BMP6: variants seen among roughly 807,000 people sequenced by gnomAD.
BMP6 encodes bone morphogenetic protein 6, also known as VG-1-R.
In BMP6, 17 loss-of-function variants were observed where a neutral mutation model predicts 54.1. The ratio of observed to expected loss-of-function variants is 0.31; its 90% CI spans 0.22 to 0.47. The LOEUF is 0.47. Among genes scored for constraint, BMP6 ranks in the 20% least tolerant of loss-of-function variants. BMP6 has a pLI of 1.00. For synonymous variants in BMP6, 328 were observed against 291.2 expected (o/e 1.13, Z -1.28); for missense variants, 720 against 690.4 (o/e 1.04, Z -0.48).
chr6:7,880,351 C>T lies in BMP6; in HGVS notation c.*8C>T, dbSNP rs759266733. 3.1e-6 allele frequency: 5 copies of T among 1,613,918 alleles called. No individual in the cohort carries two copies. In the South Asian group the frequency reaches 3.3e-5, roughly 11 times the overall value. ...GCTTGTGGATGCCACTAACTCGAAACCAGATGCTGGGGACACACATTCTGC... is the reference window on the plus strand; with the variant it reads ...GCTTGTGGATGCCACTAACTCGAAATCAGATGCTGGGGACACACATTCTGC... On this transcript the variant is annotated 3_prime_UTR_variant, in exon 7 of 7. Transcript: ENST00000283147.
At chr6:7,843,320 A>C (rs1047235009) in intron 1 of BMP6, among the ~76,000 whole-genome samples, 2 of 151,880 alleles carry the variant, frequency 1.3e-5, no homozygotes, top group Non-Finnish European at 2.9e-5. Context: ...ATTACATGGC[A>C]GTTTCAGAAA....
intron 1 of BMP6, among the ~76,000 whole-genome samples, chr6:7,824,862 T>C (rs2113228373): frequency 6.6e-6 from 1 of 152,348 alleles, no homozygotes; most frequent in East Asian, 1.9e-4. Context: ...TTCCAGTATT[T>C]TCCAGATGAG....
chr6:7,779,979 A>T (rs1162308933), intron 1 of BMP6, among the ~76,000 whole-genome samples: 1 of 152,066 alleles, frequency 6.6e-6, no homozygotes. Context: ...TTGGGAAACC[A>T]ATTTACAGCT....
At chr6:7,750,212 G>T (rs1021156254) in intron 1 of BMP6, among the ~76,000 whole-genome samples, 4 of 152,158 alleles carry the variant, frequency 2.6e-5, no homozygotes, top group African/African-American at 9.7e-5. Flanking sequence ...GAACATCTGC[G>T]TGCCTACTGT....
At chr6:7,833,571 G>C (rs1758824826) in intron 1 of BMP6, among the ~76,000 whole-genome samples, 1 of 152,182 alleles carries the variant, frequency 6.6e-6, no homozygotes, top group African/African-American at 2.4e-5. Flanking sequence ...ATAGAAATTT[G>C]AGAGCTTTCA....
At chr6:7,769,239 T>C (rs1380665103) in intron 1 of BMP6, among the ~76,000 whole-genome samples, 3 of 152,242 alleles carry the variant, frequency 2.0e-5, no homozygotes, top group Admixed American at 6.5e-5. Flanking sequence ...CGATCAGCTC[T>C]TCAGAGCCCA....
At chr6:7,744,406 G>A (rs1033536488) in intron 1 of BMP6, among the ~76,000 whole-genome samples, 15 of 152,138 alleles carry the variant, frequency 9.9e-5, no homozygotes, top group African/African-American at 3.4e-4. Flanking sequence ...AACCCAGGAG[G>A]CCGAGGTTGC....
At chr6:7,872,988 C>T (rs430168) in intron 4 of BMP6, among the ~76,000 whole-genome samples, 65,162 of 151,522 alleles carry the variant, frequency 0.43, 14,711 homozygotes, top group East Asian at 0.77. Flanking sequence ...AATTTTATAT[C>T]TTGTAGAGAC....
intron 1 of BMP6, among the ~76,000 whole-genome samples, chr6:7,785,247 C>G (rs1005282535): frequency 1.3e-5 from 2 of 152,288 alleles, no homozygotes; most frequent in South Asian, 4.1e-4. Flanking sequence ...GTTGGATGTT[C>G]TTCAAATAGA....
At chr6:7,857,166 C>T (rs1028422813) in intron 2 of BMP6, among the ~76,000 whole-genome samples, 4 of 152,204 alleles carry the variant, frequency 2.6e-5, no homozygotes, top group Non-Finnish European at 4.4e-5. Context: ...AGGGATAAAT[C>T]TTGCCCACAA....
intron 1 of BMP6, among the ~76,000 whole-genome samples, chr6:7,830,293 C>G (rs1220595679): frequency 6.6e-6 from 1 of 152,204 alleles, no homozygotes; most frequent in Non-Finnish European, 1.5e-5. Context: ...CTTAGTCTCT[C>G]TGTGACTCCC....
At chr6:7,820,518 A>T (rs1325329344) in intron 1 of BMP6, among the ~76,000 whole-genome samples, 1 of 151,922 alleles carries the variant, frequency 6.6e-6, no homozygotes, top group Non-Finnish European at 1.5e-5. Flanking sequence ...CTGCCTGGGG[A>T]CCTTTCTAGC....
chr6:7,805,087 T>TTATG (rs1758328998), intron 1 of BMP6, among the ~76,000 whole-genome samples: 2 of 152,334 alleles, frequency 1.3e-5, no homozygotes, highest in South Asian at 4.1e-4. Flanking sequence ...AATACTGTCA[T>TTATG]TGATGTGATG....
chr6:7,870,955 C>T (rs1393152584), intron 4 of BMP6, among the ~76,000 whole-genome samples: 1 of 152,334 alleles, frequency 6.6e-6, no homozygotes, highest in African/African-American at 2.4e-5. Context: ...AGTTCATCTC[C>T]ATCCCCGAAG....
intron 2 of BMP6, among the ~76,000 whole-genome samples, chr6:7,859,367 G>C (rs1424348571): frequency 6.6e-6 from 1 of 151,982 alleles, no homozygotes; most frequent in Non-Finnish European, 1.5e-5. Flanking sequence ...AAATGTAGGT[G>C]CCTAATCTAG....
chr6:7,783,906 GC>G (rs1757984905), intron 1 of BMP6, among the ~76,000 whole-genome samples: 1 of 152,168 alleles, frequency 6.6e-6, no homozygotes, highest in Non-Finnish European at 1.5e-5. Context: ...GGTCACTGTT[GC>G]CCTCCAAATG....
At chr6:7,862,231 C>G in intron 3 of BMP6, 70 bp from the exon 4 acceptor site, 1 of 1,539,372 alleles carries the variant, frequency 6.5e-7, no homozygotes, top group South Asian at 1.1e-5. Context: ...GGAAGTATCC[C>G]TTAACTGTTG....
chr6:7,855,863 A>G (rs1759221573), intron 2 of BMP6, among the ~76,000 whole-genome samples: 2 of 151,934 alleles, frequency 1.3e-5, no homozygotes, highest in Non-Finnish European at 2.9e-5. Context: ...TTCTTCATCT[A>G]TAAACCTGTA....
chr6:7,759,696 C>CTTTTTTTTTTTT lies in BMP6; in HGVS notation c.664+32090_664+32101dup, dbSNP rs71542880. Among the ~76,000 whole-genome samples, 128 of 62,148 alleles carry CTTTTTTTTTTTT rather than the reference C, an allele frequency of 2.1e-3. 3 individuals are homozygous for CTTTTTTTTTTTT. The highest frequency in any genetic ancestry group is 2.6e-3 in the Non-Finnish European group (105 of 40,480). 40.8% of individuals were successfully genotyped at this position (62,148 alleles called of 152,430 possible). A position where few individuals can be genotyped will look rare whatever the true frequency, so the allele number is the denominator to read the frequency against. ...TTTAAAGACTAATTTCTTTCTTCTTCTTTTTTTTTTTTTTTTTTTTTTTTG... is the reference window on the plus strand; with the variant it reads ...TTTAAAGACTAATTTCTTTCTTCTTCTTTTTTTTTTTTTTTTTTTTTTTTTTTTTTTTTTTTG... On this transcript the variant is annotated intron_variant, in intron 1 of 6. Coordinates refer to ENST00000283147, the MANE Select transcript of BMP6 (RefSeq NM_001718.6).
Sources: allele counts gnomAD v4.1 joint callset (sites outside exome capture counted in the v4.1 genomes callset), GRCh38; gene constraint gnomAD v4.1.1; transcripts MANE v1.5; gene names NCBI Gene and HGNC (gene_info 2026-07-23, HGNC 2026-07-21).